SBF2: variants seen among roughly 807,000 people sequenced by gnomAD.
SBF2 encodes the protein myotubularin-related protein 13.
SBF2 carries 112 observed loss-of-function variants against 225.2 expected under a neutral mutation model. That is an observed-to-expected ratio of 0.50 (90% CI 0.43 to 0.58). The LOEUF (loss-of-function observed/expected upper bound fraction) is 0.58. Ranked by LOEUF, SBF2 falls within the 20% of genes least tolerant of loss-of-function variation. SBF2 has a pLI of 0.00. For missense variants in SBF2, 1,996 were observed against 2,206.2 expected, an observed-to-expected ratio of 0.90 and a Z score of 1.91; for synonymous variants, 763 against 773.3, an observed-to-expected ratio of 0.99 and a Z score of 0.22.
chr11:9,860,261 GT>G (rs66485704), intron 17 of SBF2, among the ~76,000 whole-genome samples: 24,713 of 127,208 alleles, frequency 0.19, 2,496 homozygotes, highest in Non-Finnish European at 0.27. Context: ...TTTTGAAACA[GT>G]TTTTTTTTTT....
intron 1 of SBF2, among the ~76,000 whole-genome samples, chr11:10,238,861 C>CGAGA (rs1029975431): frequency 6.6e-6 from 1 of 150,728 alleles, no homozygotes; most frequent in African/African-American, 2.4e-5. Context: ...TGCGGTGAGC[C>CGAGA]GAGATTGCCC....
intron 16 of SBF2, among the ~76,000 whole-genome samples, chr11:9,907,090 T>C (rs1209318381): frequency 2.6e-5 from 4 of 152,250 alleles, no homozygotes; most frequent in African/African-American, 9.6e-5. Flanking sequence ...AAAAGTTTTT[T>C]TGAATTGCCC....
chr11:9,784,962 T>G, intron 37 of SBF2, 163 bp downstream of exon 37: 2 of 727,774 alleles, frequency 2.7e-6, no homozygotes, highest in Non-Finnish European at 4.6e-6. Flanking sequence ...TTGTTTTTTG[T>G]CTTTTCAAAG....
intron 16 of SBF2, chr11:9,956,532 T>G (rs1016768401): frequency 2.6e-5 from 4 of 151,696 alleles, no homozygotes; most frequent in African/African-American, 9.7e-5. Context: ...GATCATCTTG[T>G]TATACACTTA....
intron 32 of SBF2, among the ~76,000 whole-genome samples, chr11:9,806,398 T>C (rs936262574): frequency 6.8e-5 from 10 of 147,096 alleles, no homozygotes; most frequent in Admixed American, 4.0e-4. Flanking sequence ...AAAAGCAAGA[T>C]AAGAAGTGCT....
chr11:10,250,587 T>A (rs1315006893), intron 1 of SBF2, among the ~76,000 whole-genome samples: 1 of 152,224 alleles, frequency 6.6e-6, no homozygotes, highest in Non-Finnish European at 1.5e-5. Flanking sequence ...ATGGGTCATT[T>A]AAACATTTAT....
intron 13 of SBF2, among the ~76,000 whole-genome samples, chr11:9,982,908 A>C (rs1297963269): frequency 6.6e-6 from 1 of 152,218 alleles, no homozygotes; most frequent in Non-Finnish European, 1.5e-5. Flanking sequence ...TAGAGAAAGC[A>C]GCAGAAAGGC....
At chr11:10,291,598 T>C (rs1439979870) in intron 1 of SBF2, among the ~76,000 whole-genome samples, 1 of 151,756 alleles carries the variant, frequency 6.6e-6, no homozygotes, top group Non-Finnish European at 1.5e-5. Flanking sequence ...TTCGGGCAGG[T>C]GGGCTAGTGA....
At position 9,789,256 on chromosome 11, in the gene SBF2, G is replaced by C. The variant is rs1852582580; in HGVS notation, c.4785C>G (p.Asp1595Glu). The C allele has an allele frequency of 1.2e-6, 2 of 1,614,170 alleles. No homozygotes were observed. Among genetic ancestry groups the C allele is most frequent in the Non-Finnish European group, 1.7e-6 (2 of 1,180,028 alleles). Residue 1595 changes from aspartate (D) to glutamate (E), a missense_variant, in exon 35 of 40, where the codon GAC becomes GAG. Coordinates refer to ENST00000256190, the MANE Select transcript of SBF2 (RefSeq NM_030962.4). ...EETLSTGPSY[D>E]WMMLTPKHFP... Reference sequence around the variant, plus strand: ...AGTGCTTGGGGGTTAGCATCATCCAGTCATAGGAAGGGCCTGTGGACAGGG... The same window carrying C: ...AGTGCTTGGGGGTTAGCATCATCCACTCATAGGAAGGGCCTGTGGACAGGG...
intron 16 of SBF2, among the ~76,000 whole-genome samples, chr11:9,937,953 A>T (rs537395089): frequency 6.6e-6 from 1 of 152,280 alleles, no homozygotes; most frequent in Non-Finnish European, 1.5e-5. Context: ...GCACACAAAA[A>T]ATTGAAAACT....
In SBF2 at chr11:9,886,307, T is replaced by C. The variant is rs529702348; in HGVS notation, c.1929+9636A>G. ...TGATCTTCACATGATTCTCCTGTGC[T>C]GTCTCATTCTTTAGCTTTTCTTCAT... On this transcript the variant is annotated intron_variant, in intron 17 of 39. Coordinates refer to ENST00000256190, the MANE Select transcript of SBF2 (RefSeq NM_030962.4). Among the ~76,000 whole-genome samples, 8 of 152,346 alleles carry C rather than the reference T, an allele frequency of 5.3e-5. No homozygotes were observed. The East Asian group carries it at 1.5e-3, about 29-fold the overall frequency.
intron 28 of SBF2, among the ~76,000 whole-genome samples, chr11:9,826,211 G>T (rs1236685628): frequency 6.6e-6 from 1 of 152,166 alleles, no homozygotes; most frequent in Non-Finnish European, 1.5e-5. Context: ...AGCAGACAGG[G>T]ATTTCAAATG....
At chr11:10,044,105 C>T (rs958580697) in intron 2 of SBF2, among the ~76,000 whole-genome samples, 9 of 152,094 alleles carry the variant, frequency 5.9e-5, no homozygotes, top group Non-Finnish European at 1.3e-4. Flanking sequence ...GAGCAAATTA[C>T]ATCCAGAGTA....
intron 1 of SBF2, among the ~76,000 whole-genome samples, chr11:10,243,928 T>C (rs1176125106): frequency 6.6e-6 from 1 of 152,098 alleles, no homozygotes; most frequent in African/African-American, 2.4e-5. Context: ...ACAAGGAAAT[T>C]TGTAATCTTC....
chr11:9,961,947 T>C lies in SBF2; in HGVS notation c.1860+10A>G, dbSNP rs778305149. ...AATAAGAGGAATAATCTGAAAGAAC[T>C]ACAAATTACCTGTAGAGTACAATTC... On this transcript the variant is annotated intron_variant, in intron 16 of 39. Coordinates refer to ENST00000256190, the MANE Select transcript of SBF2 (RefSeq NM_030962.4). The C allele has an allele frequency of 3.7e-6, 6 of 1,609,142 alleles. No individual in the cohort carries two copies. Among genetic ancestry groups the C allele is most frequent in the Non-Finnish European group, 5.1e-6 (6 of 1,176,646 alleles).
intron 1 of SBF2, among the ~76,000 whole-genome samples, chr11:10,211,850 A>G (rs1395207090): frequency 2.0e-5 from 3 of 152,032 alleles, no homozygotes; most frequent in Non-Finnish European, 2.9e-5. Context: ...TGTTTCTAGC[A>G]AAGTTCTGTT....
chr11:10,002,770 AG>A (rs1280659698), intron 6 of SBF2, 81 bp from the exon 7 acceptor site: 9 of 1,333,910 alleles, frequency 6.7e-6, no homozygotes, highest in Admixed American at 3.6e-5. Context: ...ATACACGGAA[AG>A]AAAAAGCCAG....
At chr11:9,914,599 A>G (rs1862916599) in intron 16 of SBF2, among the ~76,000 whole-genome samples, 1 of 152,212 alleles carries the variant, frequency 6.6e-6, no homozygotes, top group African/African-American at 2.4e-5. Context: ...AAGGTTACAC[A>G]GGGGAAAATA....
At chr11:9,895,794 A>G in intron 17 of SBF2, 149 bp downstream of exon 17, 1 of 679,216 alleles carries the variant, frequency 1.5e-6, no homozygotes, top group Non-Finnish European at 2.7e-6. Flanking sequence ...TACACATAGC[A>G]TGCAATAAAT....
Sources: allele counts gnomAD v4.1 joint callset (sites outside exome capture counted in the v4.1 genomes callset), GRCh38; gene constraint gnomAD v4.1.1; transcripts MANE v1.5; gene names NCBI Gene and HGNC (gene_info 2026-07-23, HGNC 2026-07-21).